The following MDN1 variants were observed in gnomAD, a reference collection of about 807,000 sequenced individuals.
MDN1 encodes midasin AAA ATPase 1.
In MDN1, 266 loss-of-function variants were observed where a neutral mutation model predicts 669.2. The observed-to-expected ratio is 0.40, with a 90% confidence interval of 0.36 to 0.44. The LOEUF (loss-of-function observed/expected upper bound fraction) is 0.44. Among genes scored for constraint, MDN1 ranks in the 20% least tolerant of loss-of-function variants. The pLI, the probability that MDN1 is intolerant of heterozygous loss-of-function variation, is 1.00. For missense variants in MDN1, 5,940 were observed against 6,754.0 expected, an observed-to-expected ratio of 0.88 and a Z score of 4.22; for synonymous variants, 2,385 against 2,457.1, an observed-to-expected ratio of 0.97 and a Z score of 0.87.
At chr6:89,804,751 G>A in intron 1 of MDN1, among the ~76,000 whole-genome samples, 1 of 152,116 alleles carries the variant, frequency 6.6e-6, no homozygotes, top group East Asian at 1.9e-4. Context: ...AAAATTCTAG[G>A]CCGGGCGCAG....
intron 20 of MDN1, 29 bp from the exon 21 acceptor site, chr6:89,754,259 T>G (rs1324032256): frequency 6.2e-7 from 1 of 1,602,584 alleles, no homozygotes; most frequent in Non-Finnish European, 8.5e-7. Context: ...TCAGGCAATT[T>G]TATTTACTAA....
intron 75 of MDN1, 64 bp downstream of exon 75, chr6:89,678,535 C>T: frequency 6.4e-7 from 1 of 1,556,714 alleles, no homozygotes; most frequent in Non-Finnish European, 8.8e-7. Context: ...CAAAATCAGT[C>T]ATGTCATTTC....
In MDN1 at chr6:89,729,170, A is replaced by G. The variant is rs748983012; in HGVS notation, c.5141-31T>C. On this transcript the variant is annotated intron_variant, in intron 35 of 101. Transcript: ENST00000369393. ...GTGGAGAAAAGTAAAGTCATGTATA[A>G]GCGGGACATCATCAAATCACATGTA... 2.3e-5 allele frequency: 36 copies of G among 1,565,058 alleles called. No individual in the cohort carries two copies. In the South Asian group the frequency reaches 3.8e-4, roughly 17 times the overall value.
rs753534543 is a variant in MDN1 at position 89,685,860 on chromosome 6, G to C, written c.11686C>G (p.His3896Asp). 1.1e-5 allele frequency: 18 copies of C among 1,614,010 alleles called. No homozygotes were observed. Among genetic ancestry groups the C allele is most frequent in the Non-Finnish European group, 1.5e-5 (18 of 1,180,014 alleles). Residue 3896 changes from histidine to aspartate, a missense_variant, in exon 70 of 102, where the codon CAT becomes GAT. His to Asp is a moderately conservative substitution (Grantham distance 81). Around this residue, in one of 5 missense-constraint regions of MDN1, gnomAD observed 2,280 missense variants for 2,576.3 expected, o/e 0.88. Coordinates refer to ENST00000369393, the MANE Select transcript of MDN1 (RefSeq NM_014611.3). ...RLQMLLVFHC[H>D]VLLMPQVEGK... Reference sequence around the variant, plus strand: ...TCAACCTGTGGCATCAGCAAGACATGACAATGGAAAACCAGTAACATCTGA... The same window carrying C: ...TCAACCTGTGGCATCAGCAAGACATCACAATGGAAAACCAGTAACATCTGA...
At position 89,685,460 on chromosome 6, in the gene MDN1, T is replaced by C. The variant is rs368920615; in HGVS notation, c.11719+367A>G. Among the ~76,000 whole-genome samples the C allele has an allele frequency of 1.5e-3, 228 of 152,286 alleles. 1 individual carries two copies. The highest frequency in any genetic ancestry group is 5.1e-3 in the African/African-American group (211 of 41,570). On this transcript the variant is annotated intron_variant, in intron 70 of 101. Transcript: ENST00000369393. ...TGACAGCGGGCAGTTTTAGATGCAG[T>C]TCCTTGATGGCTGGCAGTGCTCTCA...
chr6:89,703,317 C>T (rs575741396), intron 53 of MDN1, among the ~76,000 whole-genome samples: 147 of 147,244 alleles, frequency 1.0e-3, no homozygotes, highest in African/African-American at 3.5e-3. Context: ...ATTAAATTAC[C>T]TTTGCATATT....
chr6:89,674,176 T>TTAA lies in MDN1; in HGVS notation c.13174_13175insTTA (p.Leu4391_Lys4392insIle). On this transcript the variant is annotated inframe_insertion, in exon 79 of 102. Coordinates refer to ENST00000369393, the MANE Select transcript of MDN1 (RefSeq NM_014611.3). ...GTCAGCTTTCACTGTTTTAATGGTT[T>TTAA]TTAGCATCTCTGTTAATCTCGTAGT... The TTAA allele has an allele frequency of 6.2e-7, 1 of 1,614,236 alleles. No individual in the cohort carries two copies. The highest frequency in any genetic ancestry group is 8.5e-7 in the Non-Finnish European group (1 of 1,180,050).
intron 17 of MDN1, among the ~76,000 whole-genome samples, chr6:89,761,336 G>GT (rs1817534957): frequency 6.6e-6 from 1 of 151,994 alleles, no homozygotes; most frequent in Non-Finnish European, 1.5e-5. Flanking sequence ...ACAAAAAACG[G>GT]TATTTGAGAT....
At chr6:89,651,856 T>A (rs1426183518) in intron 95 of MDN1, among the ~76,000 whole-genome samples, 1 of 152,228 alleles carries the variant, frequency 6.6e-6, no homozygotes, top group African/African-American at 2.4e-5. Context: ...CAGCCAGCAG[T>A]GATCTAGCTG....
chr6:89,661,469 T>C lies in MDN1; in HGVS notation c.14675A>G (p.Lys4892Arg). The C allele has an allele frequency of 6.2e-7, 1 of 1,614,166 alleles. No individual in the cohort carries two copies. The highest frequency in any genetic ancestry group is 8.5e-7 in the Non-Finnish European group (1 of 1,180,016). ...PDDLNLDSEDKNGGEDTDNEE... is the reference protein window; with the variant it reads ...PDDLNLDSEDRNGGEDTDNEE... ...ATTGTCGGTGTCCTCACCACCATTC[T>C]TGTCTTCACTGTCGAGGTTCAAGTC... is the stretch of plus-strand genomic sequence containing the variant. Residue 4892 changes from lysine to arginine, a missense_variant, in exon 88 of 102, where the codon AAG becomes AGG. Lys to Arg is a conservative substitution (Grantham distance 26, BLOSUM62 2). Around this residue, in one of 5 missense-constraint regions of MDN1, gnomAD observed 2,280 missense variants for 2,576.3 expected, o/e 0.88. Transcript: ENST00000369393.
At chr6:89,813,399 A>C (rs1454303135) in intron 1 of MDN1, among the ~76,000 whole-genome samples, 1 of 152,098 alleles carries the variant, frequency 6.6e-6, no homozygotes, top group East Asian at 1.9e-4. Flanking sequence ...AAAATACAAA[A>C]AATTAGCTGG....
rs780061476 is a variant in MDN1, at chr6:89,668,036, T to G, written c.14072A>C (p.Asp4691Ala). Reference sequence around the variant, plus strand: ...TACCTGTTCTTCATTTCCGATCTGGTCACTCACATCCTTCATGCCCTCGCC... The same window carrying G: ...TACCTGTTCTTCATTTCCGATCTGGGCACTCACATCCTTCATGCCCTCGCC... ...GEGEGMKDVS[D>A]QIGNEEQVED... The change falls in exon 84 of 102, where the codon GAC (aspartate) becomes GCC (alanine). Residue 4691 changes from aspartate (D) to alanine (A), a missense_variant. Coordinates refer to ENST00000369393, the MANE Select transcript of MDN1 (RefSeq NM_014611.3). The G allele has an allele frequency of 1.2e-6, 2 of 1,614,022 alleles. No individual in the cohort carries two copies. The highest frequency in any genetic ancestry group is 1.7e-6 in the Non-Finnish European group (2 of 1,179,930).
chr6:89,682,932 CAAAAAAAA>C (rs1811743375), intron 73 of MDN1, among the ~76,000 whole-genome samples, 192 bp downstream of exon 73: 1 of 140,128 alleles, frequency 7.1e-6, no homozygotes, highest in African/African-American at 2.6e-5. Context: ...GAATCTGTCT[CAAAAAAAA>C]GCAAAAAAAA....
intron 27 of MDN1, among the ~76,000 whole-genome samples, chr6:89,746,444 T>C (rs1286764740): frequency 6.6e-6 from 1 of 151,580 alleles, no homozygotes; most frequent in East Asian, 1.9e-4. Flanking sequence ...TAGCCAGGCA[T>C]GGTGGCGCTT....
chr6:89,772,442 A>G, intron 14 of MDN1, 131 bp downstream of exon 14: 1 of 934,722 alleles, frequency 1.1e-6, no homozygotes, highest in Non-Finnish European at 1.6e-6. Context: ...AGTTATTTCC[A>G]GGCAGAGATT....
chr6:89,804,186 AG>A (rs1767867159), intron 1 of MDN1, among the ~76,000 whole-genome samples: 2 of 152,138 alleles, frequency 1.3e-5, no homozygotes, highest in South Asian at 4.1e-4. Flanking sequence ...CTGGGATTAC[AG>A]GCGTGAGCCA....
rs977609462 is a variant in MDN1 at position 89,772,637 on chromosome 6, C to T, written c.2019G>A (p.Val673=). 1.9e-6 allele frequency: 3 copies of T among 1,614,156 alleles called. No individual in the cohort carries two copies. The highest frequency in any genetic ancestry group is 1.7e-6 in the Non-Finnish European group (2 of 1,180,020). Residue 673 remains valine (V), a synonymous_variant, in exon 14 of 102, where the codon GTG becomes GTA. Coordinates refer to ENST00000369393, the MANE Select transcript of MDN1 (RefSeq NM_014611.3). ...CAGTCCCGGTCTCTCCCACCAGCAACACAGGCTCCCCTTTGCTGACACACA... is the reference window on the plus strand; with the variant it reads ...CAGTCCCGGTCTCTCCCACCAGCAATACAGGCTCCCCTTTGCTGACACACA... ...LAVCVSKGEP[V]LLVGETGTGK...
At position 89,672,281 on chromosome 6, in the gene MDN1, C is replaced by T. The variant is rs1166323631; in HGVS notation, c.13713G>A (p.Val4571=). Residue 4571 remains valine, a synonymous_variant, in exon 82 of 102, where the codon GTG becomes GTA. Coordinates refer to ENST00000369393, the MANE Select transcript of MDN1 (RefSeq NM_014611.3). ...CGGAGATGGCAGAAATTATTTTCTG[C>T]ACGTGCAAAGTGCTCACATCGGCCC... The part of the protein sequence containing the change: ...DFWADVSTLH[V]QKIISAISEL... 3.7e-6 allele frequency: 6 copies of T among 1,612,222 alleles called. No individual in the cohort carries two copies. The highest frequency in any genetic ancestry group is 5.1e-6 in the Non-Finnish European group (6 of 1,179,710).
intron 74 of MDN1, among the ~76,000 whole-genome samples, chr6:89,680,004 AC>A (rs1811487938): frequency 6.6e-6 from 1 of 152,136 alleles, no homozygotes. Flanking sequence ...AAGGCAGGCC[AC>A]CCTCACTGAC....
Sources: gnomAD v4.1 joint callset for allele counts (sites outside exome capture counted in the v4.1 genomes callset) on GRCh38, gnomAD v4.1.1 for gene constraint, gnomAD v4.1.1 regional missense constraint, MANE v1.5 for transcripts, NCBI Gene and HGNC (gene_info 2026-07-23, HGNC 2026-07-21) for gene names.